The following ZFHX3 variants were observed in gnomAD, a reference collection of about 807,000 sequenced individuals.
ZFHX3 encodes the protein zinc finger homeobox protein 3.
A neutral mutation model predicts 279.1 loss-of-function variants in ZFHX3; 42 were observed. That is an observed-to-expected ratio of 0.15 (90% confidence interval 0.12 to 0.19). ZFHX3 has a LOEUF of 0.19. Ranked by LOEUF, ZFHX3 falls within the 10% of genes least tolerant of loss-of-function variation. The pLI, the probability that ZFHX3 is intolerant of heterozygous loss-of-function variation, is 1.00. For synonymous variants in ZFHX3, 2,293 were observed against 1,957.8 expected (o/e 1.17, Z -4.52); for missense variants, 4,981 against 4,754.0 (o/e 1.05, Z -1.40).
chr16:73,820,745 A>G (rs1164545962), intron 1 of ZFHX3, among the ~76,000 whole-genome samples: 3 of 151,962 alleles, frequency 2.0e-5, no homozygotes, highest in African/African-American at 4.8e-5. Flanking sequence ...TTATACAGCA[A>G]TATGTAACTG....
At chr16:73,716,483 A>T (rs1290946813) in intron 1 of ZFHX3, among the ~76,000 whole-genome samples, 1 of 152,106 alleles carries the variant, frequency 6.6e-6, no homozygotes, top group African/African-American at 2.4e-5. Context: ...TGCAACTTCC[A>T]AAGGATTTTC....
chr16:73,626,815 A>G (rs1439485867), intron 2 of ZFHX3, among the ~76,000 whole-genome samples: 1 of 152,188 alleles, frequency 6.6e-6, no homozygotes, highest in Non-Finnish European at 1.5e-5. Context: ...ACCTTTCATT[A>G]TACTATTGCT....
At chr16:73,647,493 T>C (rs941457082) in intron 2 of ZFHX3, among the ~76,000 whole-genome samples, 27 of 152,142 alleles carry the variant, frequency 1.8e-4, no homozygotes, top group African/African-American at 6.3e-4. Context: ...CCTACTGCCA[T>C]CTTAAGACAT....
chr16:73,519,533 AC>A (rs1466306843), intron 2 of ZFHX3, among the ~76,000 whole-genome samples: 1 of 151,980 alleles, frequency 6.6e-6, no homozygotes, highest in Non-Finnish European at 1.5e-5. Context: ...TGAGCTTTGT[AC>A]CTTGGTTGAT....
At chr16:73,290,997 G>A (rs1301629905) in intron 4 of ZFHX3, among the ~76,000 whole-genome samples, 1 of 152,216 alleles carries the variant, frequency 6.6e-6, no homozygotes, top group Non-Finnish European at 1.5e-5. Flanking sequence ...ATCTGCAGCA[G>A]ATCAGGAGGG....
intron 2 of ZFHX3, among the ~76,000 whole-genome samples, chr16:73,577,889 G>A (rs1167523248): frequency 6.6e-6 from 1 of 152,138 alleles, no homozygotes; most frequent in African/African-American, 2.4e-5. Flanking sequence ...CACGTTCCAG[G>A]TCAAATATCA....
At chr16:72,900,560 T>C (rs1466586992) in intron 3 of ZFHX3, among the ~76,000 whole-genome samples, 1 of 152,244 alleles carries the variant, frequency 6.6e-6, no homozygotes, top group African/African-American at 2.4e-5. Context: ...CTTTCTACTG[T>C]AAGTCCAGAT....
At chr16:73,865,194 C>T (rs1000369659) in intron 1 of ZFHX3, among the ~76,000 whole-genome samples, 1 of 152,172 alleles carries the variant, frequency 6.6e-6, no homozygotes, top group African/African-American at 2.4e-5. Flanking sequence ...AAATTGTTGA[C>T]CCACAGATTT....
chr16:72,975,010 G>A (rs747204956), intron 1 of ZFHX3, among the ~76,000 whole-genome samples: 15 of 152,106 alleles, frequency 9.9e-5, no homozygotes, highest in Non-Finnish European at 1.5e-4. Context: ...CTCCTATCTC[G>A]ATTCTCTTTC....
chr16:72,984,920 T>C (rs2144552517), intron 1 of ZFHX3, among the ~76,000 whole-genome samples: 1 of 152,144 alleles, frequency 6.6e-6, no homozygotes, highest in East Asian at 1.9e-4. Context: ...TTTATATAAA[T>C]ATGCATATAT....
chr16:72,924,233 T>C (rs1181050107), intron 3 of ZFHX3, among the ~76,000 whole-genome samples: 2 of 152,216 alleles, frequency 1.3e-5, no homozygotes, highest in Non-Finnish European at 2.9e-5. Context: ...TTGATGACGC[T>C]ATACTGCTAT....
At chr16:72,928,987 C>T (rs1409837434) in intron 3 of ZFHX3, among the ~76,000 whole-genome samples, 2 of 152,002 alleles carry the variant, frequency 1.3e-5, no homozygotes, top group African/African-American at 2.4e-5. Context: ...CCTATAACCC[C>T]AGCACTTTGG....
At chr16:73,746,048 T>A (rs960346260) in intron 1 of ZFHX3, among the ~76,000 whole-genome samples, 24 of 150,588 alleles carry the variant, frequency 1.6e-4, no homozygotes, top group African/African-American at 4.7e-4. Context: ...CTATTTATTT[T>A]TTTATTTTTT....
At chr16:73,616,479 G>T (rs990055409) in intron 2 of ZFHX3, among the ~76,000 whole-genome samples, 4 of 148,612 alleles carry the variant, frequency 2.7e-5, no homozygotes, top group Non-Finnish European at 5.9e-5. Flanking sequence ...ATTTTCCATA[G>T]CCATTTATTT....
At chr16:73,120,069 A>G (rs997151977) in intron 7 of ZFHX3, among the ~76,000 whole-genome samples, 5 of 151,904 alleles carry the variant, frequency 3.3e-5, no homozygotes, top group African/African-American at 9.7e-5. Flanking sequence ...TCTGTGCTCA[A>G]TTTCCCCCAT....
At chr16:73,830,369 G>C (rs937443097) in intron 1 of ZFHX3, among the ~76,000 whole-genome samples, 1 of 151,586 alleles carries the variant, frequency 6.6e-6, no homozygotes, top group African/African-American at 2.4e-5. Context: ...CGTCTTCTGC[G>C]TCGCTCACGC....
chr16:72,904,828 TTC>T (rs1413758065), intron 3 of ZFHX3, among the ~76,000 whole-genome samples: 1 of 151,622 alleles, frequency 6.6e-6, no homozygotes, highest in African/African-American at 2.4e-5. Context: ...CCACAAAGCA[TTC>T]TCTTTTTTCT....
chr16:73,431,910 C>T (rs1181159988), intron 3 of ZFHX3, among the ~76,000 whole-genome samples: 1 of 152,040 alleles, frequency 6.6e-6, no homozygotes, highest in African/African-American at 2.4e-5. Flanking sequence ...GACCTTGGGA[C>T]TCTAGTTTCA....
chr16:73,409,365 A>C (rs763501262), intron 3 of ZFHX3, among the ~76,000 whole-genome samples: 12 of 152,182 alleles, frequency 7.9e-5, no homozygotes, highest in Non-Finnish European at 1.3e-4. Flanking sequence ...CCTTGGATAC[A>C]TGGTAAGAAA....
Sources: allele counts gnomAD v4.1 joint callset (sites outside exome capture counted in the v4.1 genomes callset), GRCh38; gene constraint gnomAD v4.1.1; transcripts MANE v1.5; gene names NCBI Gene and HGNC (gene_info 2026-07-23, HGNC 2026-07-21).